The following CACNA1C variants were observed in gnomAD, a reference collection of about 807,000 sequenced individuals.
The protein encoded by CACNA1C is calcium voltage-gated channel subunit alpha1 C.
CACNA1C carries 30 observed loss-of-function variants against 229.0 expected under a neutral mutation model. The observed-to-expected ratio is 0.13, with a 90% CI of 0.10 to 0.18. The LOEUF is 0.18. Ranked by LOEUF, CACNA1C falls within the 10% of genes least tolerant of loss-of-function variation. The pLI, the probability that CACNA1C is intolerant of heterozygous loss-of-function variation, is 1.00. For missense variants in CACNA1C, 1,658 were observed against 2,845.0 expected, an observed-to-expected ratio of 0.58 and a Z score of 9.49; for synonymous variants, 1,114 against 1,132.5, an observed-to-expected ratio of 0.98 and a Z score of 0.33.
chr12:2,284,207 G>A (rs2092201041), intron 3 of CACNA1C, among the ~76,000 whole-genome samples: 1 of 152,182 alleles, frequency 6.6e-6, no homozygotes, highest in Admixed American at 6.5e-5. Flanking sequence ...TTCAGCGGGG[G>A]AGTGGGGTAA....
At chr12:1,997,934 C>A in intron 1 of CACNA1C, 1 of 1,605,784 alleles carries the variant, frequency 6.2e-7, no homozygotes, top group Non-Finnish European at 8.5e-7. Flanking sequence ...AACACTCTTA[C>A]CTTGTATAAA....
At chr12:2,337,564 G>A (rs548761305) in intron 3 of CACNA1C, among the ~76,000 whole-genome samples, 19 of 152,228 alleles carry the variant, frequency 1.2e-4, no homozygotes, top group Non-Finnish European at 2.5e-4. Context: ...TTTGGTATTT[G>A]GTGAAATGTT....
intron 3 of CACNA1C, among the ~76,000 whole-genome samples, chr12:2,390,405 A>G (rs1308563700): frequency 6.6e-6 from 1 of 152,248 alleles, no homozygotes; most frequent in Non-Finnish European, 1.5e-5. Flanking sequence ...ATTACGGGAC[A>G]GTCACTGAGC....
At chr12:2,558,366 C>T (rs1305146340) in intron 11 of CACNA1C, among the ~76,000 whole-genome samples, 1 of 152,210 alleles carries the variant, frequency 6.6e-6, no homozygotes, top group African/African-American at 2.4e-5. Context: ...CTTAGGGCAT[C>T]CACTGCTGGA....
At chr12:2,041,337 C>T (rs1490992394) in intron 1 of CACNA1C, among the ~76,000 whole-genome samples, 6 of 131,600 alleles carry the variant, frequency 4.6e-5, no homozygotes, top group South Asian at 2.4e-4. Context: ...AGTGCAGTGG[C>T]GCTGTCTTGG....
At chr12:2,534,861 C>T (rs915636895) in intron 9 of CACNA1C, among the ~76,000 whole-genome samples, 2 of 152,194 alleles carry the variant, frequency 1.3e-5, no homozygotes, top group Non-Finnish European at 2.9e-5. Context: ...TAAACCTTTC[C>T]ATTTTTTCTT....
intron 3 of CACNA1C, among the ~76,000 whole-genome samples, chr12:2,252,059 C>T (rs2075781514): frequency 6.6e-6 from 1 of 152,214 alleles, no homozygotes; most frequent in Non-Finnish European, 1.5e-5. Context: ...AGCTGTGTAG[C>T]CCACTCCATG....
At chr12:2,390,660 A>C (rs1361414638) in intron 3 of CACNA1C, among the ~76,000 whole-genome samples, 1 of 152,142 alleles carries the variant, frequency 6.6e-6, no homozygotes. Flanking sequence ...CTGGGCTTTG[A>C]AGATGATCAG....
Position 2,129,432 on chromosome 12 carries a change from T to C in CACNA1C, c.477+9002T>C, listed in dbSNP as rs1424296310. ...CCAGCGGATGGGAAAAGAGAGATGA[T>C]GATTTGAAGTCTAAATATGGTGACA... On this transcript the variant is annotated intron_variant, in intron 3 of 46. Coordinates refer to ENST00000399655, the MANE Select transcript of CACNA1C (RefSeq NM_000719.7). 2.6e-5 allele frequency among the ~76,000 whole-genome samples: 4 copies of C among 152,170 alleles called. No individual in the cohort carries two copies. In the East Asian group the frequency reaches 7.7e-4, roughly 29 times the overall value.
Position 2,117,270 on chromosome 12 carries a change from C to CAAATAAATAAATAAATAAAT in CACNA1C, c.371+1727_371+1746dup, listed in dbSNP as rs111273230. On this transcript the variant is annotated intron_variant, in intron 2 of 46. Transcript: ENST00000399655. ...TGAGGAAAAGAGTGAAACTCTGTCT[C>CAAATAAATAAATAAATAAAT]AAATAAATAAATAAATAAATATAAA... 4.5e-3 allele frequency among the ~76,000 whole-genome samples: 680 copies of CAAATAAATAAATAAATAAAT among 152,204 alleles called. 3 individuals carry two copies. The highest frequency in any genetic ancestry group is 0.015 in the African/African-American group (639 of 41,498).
chr12:2,063,564 T>C (rs995751756), intron 1 of CACNA1C, among the ~76,000 whole-genome samples: 31 of 152,214 alleles, frequency 2.0e-4, no homozygotes, highest in African/African-American at 7.0e-4. Context: ...AATGATGACA[T>C]TGAAAGGAAG....
intron 38 of CACNA1C, among the ~76,000 whole-genome samples, chr12:2,673,330 G>T (rs1453661956): frequency 1.3e-5 from 2 of 152,110 alleles, no homozygotes; most frequent in African/African-American, 4.8e-5. Flanking sequence ...GCTGGGCATG[G>T]TGGCCCATGC....
chr12:2,458,194 G>A (rs773600596), intron 5 of CACNA1C, among the ~76,000 whole-genome samples: 2 of 152,172 alleles, frequency 1.3e-5, no homozygotes, highest in Admixed American at 6.5e-5. Context: ...CTGTCAAATG[G>A]GGCAGCCCAG....
chr12:2,129,029 G>A (rs922091809), intron 3 of CACNA1C, among the ~76,000 whole-genome samples: 1 of 152,186 alleles, frequency 6.6e-6, no homozygotes, highest in Non-Finnish European at 1.5e-5. Context: ...AAGGTGCTCC[G>A]TGAGTCCCTG....
At chr12:2,195,192 G>A (rs961624942) in intron 3 of CACNA1C, among the ~76,000 whole-genome samples, 2 of 152,198 alleles carry the variant, frequency 1.3e-5, no homozygotes, top group Non-Finnish European at 1.5e-5. Context: ...TGGTCCAGGC[G>A]GTAAGTCATG....
Position 2,532,972 on chromosome 12 carries a change from C to T in CACNA1C, c.1391-16971C>T, listed in dbSNP as rs187289257. ...TCTGGATTTCAAAAACCATTTCTCT[C>T]TTCTGAAGGAAGAACAATCAGCGTC... On this transcript the variant is annotated intron_variant, in intron 9 of 46. Transcript: ENST00000399655. 3.7e-3 allele frequency among the ~76,000 whole-genome samples: 563 copies of T among 152,310 alleles called. 4 individuals are homozygous for T. Among genetic ancestry groups the T allele is most frequent in the Middle Eastern group, 0.027 (8 of 294 alleles).
chr12:2,135,385 G>T (rs1347670407), intron 3 of CACNA1C, among the ~76,000 whole-genome samples: 2 of 145,208 alleles, frequency 1.4e-5, no homozygotes, highest in Admixed American at 6.9e-5. Context: ...GAGGCGCTCT[G>T]ATTTTTAGAG....
At chr12:2,115,062 C>A (rs2299661) in intron 1 of CACNA1C, among the ~76,000 whole-genome samples, 162 bp from the exon 2 acceptor site, 1 of 152,028 alleles carries the variant, frequency 6.6e-6, no homozygotes. Flanking sequence ...GGCCCTCTTC[C>A]CTCAGCATCT....
At chr12:2,483,025 G>A (rs756232685) in intron 5 of CACNA1C, among the ~76,000 whole-genome samples, 7 of 152,170 alleles carry the variant, frequency 4.6e-5, no homozygotes, top group South Asian at 2.1e-4. Flanking sequence ...AAGGCACCCC[G>A]TGCTCACGCA....
Sources: allele counts gnomAD v4.1 joint callset (sites outside exome capture counted in the v4.1 genomes callset), GRCh38; gene constraint gnomAD v4.1.1; transcripts MANE v1.5; gene names NCBI Gene and HGNC (gene_info 2026-07-23, HGNC 2026-07-21).